Variants in ADGRL2 observed in about 807,000 individuals in gnomAD.
The protein encoded by ADGRL2 is calcium-independent alpha-latrotoxin receptor 2.
Under a neutral mutation model 157.4 loss-of-function variants are expected in ADGRL2, and 44 were observed. The ratio of observed to expected loss-of-function variants is 0.28; its 90% confidence interval spans 0.22 to 0.36. The LOEUF (loss-of-function observed/expected upper bound fraction) is 0.36, where lower values mean the gene tolerates loss of function less well. Among genes scored for constraint, ADGRL2 ranks in the 10% least tolerant of loss-of-function variants. ADGRL2 has a pLI of 1.00. For missense variants in ADGRL2, 1,510 were observed against 1,768.9 expected, an observed-to-expected ratio of 0.85 and a Z score of 2.63; for synonymous variants, 585 against 624.7, an observed-to-expected ratio of 0.94 and a Z score of 0.95.
chr1:81,478,702 C>T (rs760127523), intron 2 of ADGRL2, among the ~76,000 whole-genome samples: 1 of 152,098 alleles, frequency 6.6e-6, no homozygotes, highest in Non-Finnish European at 1.5e-5. Flanking sequence ...ATGCTATTCA[C>T]ATTAAGGAAG....
chr1:81,502,393 AGATTTTGCCAAGCTGTATGAACTGGAC>A (rs2078872946), intron 2 of ADGRL2: 1 of 1,614,012 alleles, frequency 6.2e-7, no homozygotes, highest in South Asian at 1.1e-5. Context: ...AGATCTCTCG[AGATTTTGCCAAGCTGTATGAACTGGAC>A]GGTGATCCTG....
intron 2 of ADGRL2, among the ~76,000 whole-genome samples, chr1:81,526,319 C>A (rs1243991338): frequency 6.6e-6 from 1 of 152,034 alleles, no homozygotes; most frequent in East Asian, 1.9e-4. Flanking sequence ...ATATAAAAAC[C>A]CTGATCAGCT....
intron 2 of ADGRL2, among the ~76,000 whole-genome samples, chr1:81,481,987 C>G (rs1464997710): frequency 6.6e-6 from 1 of 152,138 alleles, no homozygotes; most frequent in African/African-American, 2.4e-5. Flanking sequence ...ACATTGTGTC[C>G]ACAACTGCTC....
intron 2 of ADGRL2, among the ~76,000 whole-genome samples, chr1:81,896,166 T>A (rs998254681): frequency 1.3e-5 from 2 of 152,186 alleles, no homozygotes. Context: ...ATTCTGTAAT[T>A]GTTTGCTAGT....
rs1462581559 is a variant in ADGRL2 at position 81,392,206 on chromosome 1, C to A, written c.-301-52830C>A. Reference sequence around the variant, plus strand: ...AAGCACCAAATATATGCCTCTCACACTTCCTCCTACCCCATCCCCACAAAA... The same window carrying A: ...AAGCACCAAATATATGCCTCTCACAATTCCTCCTACCCCATCCCCACAAAA... On this transcript the variant is annotated intron_variant, in intron 1 of 24. Coordinates refer to the ADGRL2 transcript ENST00000370721. Among the ~76,000 whole-genome samples, 19 of 129,640 alleles carry A rather than the reference C, an allele frequency of 1.5e-4. No individual in the cohort carries two copies. In the South Asian group the frequency reaches 5.2e-3, roughly 36 times the overall value. The allele number at this position is 129,640 out of a possible 152,430, so 85.0% of individuals were successfully genotyped here.
chr1:81,779,592 T>C (rs2086732620), intron 2 of ADGRL2, among the ~76,000 whole-genome samples: 1 of 152,200 alleles, frequency 6.6e-6, no homozygotes, highest in Admixed American at 6.5e-5. Flanking sequence ...TTATGCTTGA[T>C]TATGTTTCCC....
chr1:81,741,401 A>C (rs979228953), intron 1 of ADGRL2, among the ~76,000 whole-genome samples: 1 of 152,168 alleles, frequency 6.6e-6, no homozygotes, highest in Admixed American at 6.5e-5. Flanking sequence ...TAGTCTTTAC[A>C]TTTCAACATT....
intron 3 of ADGRL2, among the ~76,000 whole-genome samples, chr1:81,606,220 A>C (rs963035243): frequency 2.0e-5 from 3 of 152,180 alleles, no homozygotes; most frequent in Non-Finnish European, 2.9e-5. Context: ...TGACTTTCAA[A>C]AATCTGTATT....
chr1:81,320,198 G>C (rs928645280), intron 1 of ADGRL2, among the ~76,000 whole-genome samples: 1 of 152,298 alleles, frequency 6.6e-6, no homozygotes, highest in East Asian at 1.9e-4. Flanking sequence ...TCATGAGTCT[G>C]TAGCAATTCA....
At position 81,784,285 on chromosome 1, in the gene ADGRL2, C is replaced by T. The variant is rs187324743; in HGVS notation, c.-101+22433C>T. On this transcript the variant is annotated intron_variant, in intron 2 of 20. Coordinates refer to the ADGRL2 transcript ENST00000359929. The stretch of plus-strand genomic sequence containing the variant: ...TTACTTAAAAAAGTAGTATCTGTGA[C>T]TTCTTTGAAAGCATGTGTCAAGTGT... Among the ~76,000 whole-genome samples, 3 of 152,266 alleles carry T rather than the reference C, an allele frequency of 2.0e-5. No individual in the cohort carries two copies. In the East Asian group the frequency reaches 5.8e-4, roughly 29 times the overall value.
intron 1 of ADGRL2, among the ~76,000 whole-genome samples, chr1:81,750,635 T>A (rs1402756964): frequency 6.6e-6 from 1 of 152,088 alleles, no homozygotes; most frequent in Admixed American, 6.6e-5. Flanking sequence ...GAGAATTGCT[T>A]GAACTCAGGA....
At chr1:81,568,394 C>T (rs778800104) in intron 2 of ADGRL2, among the ~76,000 whole-genome samples, 2 of 152,038 alleles carry the variant, frequency 1.3e-5, no homozygotes, top group African/African-American at 2.4e-5. Context: ...CCTATTAATC[C>T]CATCTAGCTT....
chr1:81,779,730 C>A (rs748932965), intron 2 of ADGRL2, among the ~76,000 whole-genome samples: 17 of 152,208 alleles, frequency 1.1e-4, no homozygotes, highest in Non-Finnish European at 2.5e-4. Context: ...TTTGCATAGG[C>A]AGAACACAGC....
intron 1 of ADGRL2, among the ~76,000 whole-genome samples, chr1:81,737,003 T>G (rs1264327053): frequency 6.6e-6 from 1 of 151,950 alleles, no homozygotes; most frequent in East Asian, 1.9e-4. Flanking sequence ...CCCGGCTAAT[T>G]TTTTGTATTT....
intron 1 of ADGRL2, among the ~76,000 whole-genome samples, chr1:81,334,513 T>TA (rs969161264): frequency 2.2e-4 from 33 of 152,332 alleles, no homozygotes; most frequent in African/African-American, 7.0e-4. Flanking sequence ...TTAGTGGCTT[T>TA]AAAAATGCCA....
chr1:81,490,285 T>C (rs35929555), intron 2 of ADGRL2, among the ~76,000 whole-genome samples: 66,718 of 151,906 alleles, frequency 0.44, 16,479 homozygotes, highest in African/African-American at 0.65. Flanking sequence ...GTGTGCGCCA[T>C]GATGTCTGGC....
chr1:81,365,541 A>T (rs758187235), intron 1 of ADGRL2, among the ~76,000 whole-genome samples: 2 of 152,178 alleles, frequency 1.3e-5, no homozygotes, highest in African/African-American at 4.8e-5. Context: ...AAAAAAATAA[A>T]GTGTGTTTCT....
intron 1 of ADGRL2, among the ~76,000 whole-genome samples, chr1:81,412,635 T>C (rs2076966229): frequency 6.6e-6 from 1 of 152,218 alleles, no homozygotes; most frequent in Non-Finnish European, 1.5e-5. Flanking sequence ...ATATTACTTG[T>C]TATGTAGCAG....
At chr1:81,433,273 C>A (rs1022521702) in intron 1 of ADGRL2, among the ~76,000 whole-genome samples, 2 of 152,150 alleles carry the variant, frequency 1.3e-5, no homozygotes, top group African/African-American at 4.8e-5. Context: ...AATTTTACAA[C>A]ACAATGAAAG....
Sources: gnomAD v4.1 joint callset for allele counts (sites outside exome capture counted in the v4.1 genomes callset) on GRCh38, gnomAD v4.1.1 for gene constraint, MANE v1.5 for transcripts, NCBI Gene and HGNC (gene_info 2026-07-23, HGNC 2026-07-21) for gene names.